The following IZUMO4 variants were observed in gnomAD, a reference collection of about 807,000 sequenced individuals.
The protein encoded by IZUMO4 is IZUMO family member 4.
IZUMO4 carries 51 observed loss-of-function variants against 37.1 expected under a neutral mutation model. The observed-to-expected ratio is 1.38, with a 90% CI of 1.10 to 1.74. The LOEUF is 1.74. Among genes scored for constraint, IZUMO4 ranks in the 40% most tolerant of loss-of-function variants. IZUMO4 has a pLI of 0.00. For synonymous variants in IZUMO4, 162 were observed against 121.4 expected (o/e 1.33, Z -2.20); for missense variants, 364 against 299.6 (o/e 1.21, Z -1.59).
Position 2,097,957 on chromosome 19 carries a change from T to C in IZUMO4, c.397+2T>C, listed in dbSNP as rs986766599. On this transcript the variant is annotated splice_donor_variant, in intron 4 of 9. Transcript: ENST00000395301. LOFTEE classifies it high-confidence loss of function. The stretch of plus-strand genomic sequence containing the variant: ...GCATCGACTGTCAGCACCGCTGTGG[T>C]AAGCAAGGCTCCGTCCAGGCTGAGG... The C allele has an allele frequency of 6.2e-7, 1 of 1,613,184 alleles. No homozygotes were observed. Among genetic ancestry groups the C allele is most frequent in the Non-Finnish European group, 8.5e-7 (1 of 1,179,964 alleles).
At chr19:2,099,153 T>C (rs1021875934) in intron 9 of IZUMO4, 102 bp from the exon 10 acceptor site, 79 of 1,379,894 alleles carry the variant, frequency 5.7e-5, no homozygotes, top group African/African-American at 1.4e-4. Context: ...TGGCCACACA[T>C]AGGACCACAC....
rs971477471 is a variant in IZUMO4 at position 2,097,305 on chromosome 19, C to T, written c.271C>T (p.Leu91=). 6.2e-7 allele frequency: 1 copy of T among 1,612,846 alleles called. No individual in the cohort carries two copies. The highest frequency in any genetic ancestry group is 1.3e-5 in the African/African-American group (1 of 75,048). The part of the protein sequence containing the change: ...ATAVYQMMDQ[L]YQGKMYFPGY... ...AGCAGTGTACCAGATGATGGATCAG[C>T]TGTACCAGGGGAAGATGTACTTCCC... Residue 91 remains leucine, a synonymous_variant, in exon 2 of 10, where the codon CTG becomes TTG. Transcript: ENST00000395301.
Position 2,099,451 on chromosome 19 carries a change from C to A in IZUMO4, c.*106C>A, listed in dbSNP as rs1458381006. The A allele has an allele frequency of 2.0e-5, 15 of 749,410 alleles. No individual in the cohort carries two copies. The highest frequency in any genetic ancestry group is 3.2e-5 in the Non-Finnish European group (14 of 440,072). 46.4% of individuals were successfully genotyped at this position (749,410 alleles called of 1,614,324 possible). On this transcript the variant is annotated 3_prime_UTR_variant, in exon 10 of 10. Coordinates refer to ENST00000395301, the MANE Select transcript of IZUMO4 (RefSeq NM_001039846.2). ...TGCTGCTGCCTCAGGACCCCCTCTC[C>A]GACCCCGGACAGAGCTGAGCTGGCC...
rs781489759 is a variant in IZUMO4, at chr19:2,097,341, C to A, written c.298+9C>A. ...GAAGATGTACTTCCCCGGTAAGGGGCGCGAAACCGAGGCGGGGCCCCCCCA... is the reference window on the plus strand; with the variant it reads ...GAAGATGTACTTCCCCGGTAAGGGGAGCGAAACCGAGGCGGGGCCCCCCCA... On this transcript the variant is annotated intron_variant, in intron 2 of 9. Transcript: ENST00000395301. 14 of 1,612,134 alleles carry A rather than the reference C, an allele frequency of 8.7e-6. No individual in the cohort carries two copies. Among genetic ancestry groups the A allele is most frequent in the Non-Finnish European group, 1.2e-5 (14 of 1,179,504 alleles).
Position 2,097,813 on chromosome 19 carries a change from G to C in IZUMO4, c.371-116G>C, listed in dbSNP as rs892113958. ...ATGGACACACATACATGAAAACCAG[G>C]TGAGCCTGGGCCCCAGTGCCGAGGG... On this transcript the variant is annotated intron_variant, in intron 3 of 9. Coordinates refer to ENST00000395301, the MANE Select transcript of IZUMO4 (RefSeq NM_001039846.2). 23 of 1,322,108 alleles carry C rather than the reference G, an allele frequency of 1.7e-5. No homozygotes were observed. In the African/African-American group the frequency reaches 2.5e-4, roughly 14 times the overall value. 81.9% of individuals were successfully genotyped at this position (1,322,108 alleles called of 1,614,324 possible).
In IZUMO4 at chr19:2,098,931, G is replaced by C. The variant is rs747350806; in HGVS notation, c.555-45G>C. On this transcript the variant is annotated intron_variant, in intron 8 of 9. Coordinates refer to ENST00000395301, the MANE Select transcript of IZUMO4 (RefSeq NM_001039846.2). Reference sequence around the variant, plus strand: ...CTCCCTATACCTGGGACACCTGCTGGATGTCACCTCTGCAACCACACCCAT... The same window carrying C: ...CTCCCTATACCTGGGACACCTGCTGCATGTCACCTCTGCAACCACACCCAT... 1.9e-6 allele frequency: 3 copies of C among 1,605,968 alleles called. No individual in the cohort carries two copies. The Admixed American group carries it at 5.0e-5, about 27-fold the overall frequency.
At chr19:2,097,834 G>A (rs2017754649) in intron 3 of IZUMO4, 95 bp from the exon 4 acceptor site, 6 of 1,488,346 alleles carry the variant, frequency 4.0e-6, no homozygotes, top group South Asian at 3.5e-5. Flanking sequence ...CCCCAGTGCC[G>A]AGGGACAGGC....
At position 2,099,042 on chromosome 19, in the gene IZUMO4, G is replaced by A. The variant is rs766528076; in HGVS notation, c.608+13G>A. On this transcript the variant is annotated intron_variant, in intron 9 of 9. Transcript: ENST00000395301. ...CCACCCCGGCCTTGTGAGTGACCCA[G>A]AGAAGGGAGGCCTCGGGAGAAGGGG... 3 of 1,612,248 alleles carry A rather than the reference G, an allele frequency of 1.9e-6. No homozygotes were observed. Among genetic ancestry groups the A allele is most frequent in the Non-Finnish European group, 1.7e-6 (2 of 1,179,276 alleles).
Position 2,098,086 on chromosome 19 carries a change from C to G in IZUMO4, c.432C>G (p.Asn144Lys). 1 of 1,613,516 alleles carries G rather than the reference C, an allele frequency of 6.2e-7. No homozygotes were observed. The highest frequency in any genetic ancestry group is 8.5e-7 in the Non-Finnish European group (1 of 1,179,962). The change falls in exon 5 of 10, where the codon AAC (asparagine) becomes AAG (lysine). Residue 144 changes from asparagine to lysine, a missense_variant. Physicochemically the swap from Asn to Lys is moderately conservative, Grantham distance 94 (BLOSUM62 0). Coordinates refer to ENST00000395301, the MANE Select transcript of IZUMO4 (RefSeq NM_001039846.2). Reference sequence around the variant, plus strand: ...AGTACGAGACCATCTCCTGCAACAACTGCACAGACTCGCACGTCGCCTGCT... The same window carrying G: ...AGTACGAGACCATCTCCTGCAACAAGTGCACAGACTCGCACGTCGCCTGCT... ...IFQYETISCN[N>K]CTDSHVACFG...
At position 2,099,012 on chromosome 19, in the gene IZUMO4, C is replaced by CA. The variant is rs1488707109; in HGVS notation, c.592dup (p.Arg198LysfsTer30). 9.9e-6 allele frequency: 16 copies of CA among 1,613,018 alleles called. No individual in the cohort carries two copies. Among genetic ancestry groups the CA allele is most frequent in the Non-Finnish European group, 1.4e-5 (16 of 1,179,968 alleles). On this transcript the variant is annotated frameshift_variant, in exon 9 of 10. Coordinates refer to ENST00000395301, the MANE Select transcript of IZUMO4 (RefSeq NM_001039846.2). LOFTEE classifies it low-confidence loss of function (END_TRUNC). ...CTGCCTTCTCCTGGCCTGGGACACA[C>CA]AGAGCCACCCCGGCCTTGTGAGTGA...
At chr19:2,098,758 G>C (rs1398405416) in intron 7 of IZUMO4, 29 bp from the exon 8 acceptor site, 1 of 1,605,332 alleles carries the variant, frequency 6.2e-7, no homozygotes, top group Admixed American at 1.7e-5. Flanking sequence ...GCCCCATGGA[G>C]GGGCTGACTG....
rs1211399692 is a variant in IZUMO4 at position 2,098,991 on chromosome 19, C to T, written c.570C>T (p.Ala190=). 2.5e-6 allele frequency: 4 copies of T among 1,613,084 alleles called. No individual in the cohort carries two copies. The African/African-American group carries it at 5.3e-5, about 22-fold the overall frequency. The change falls in exon 9 of 10, where the codon GCC becomes GCT. Residue 190 remains alanine (A), a synonymous_variant. Transcript: ENST00000395301. ...TCATGAACAGACCACGCTCCTCTGC[C>T]TTCTCCTGGCCTGGGACACACAGAG... is the stretch of plus-strand genomic sequence containing the variant. The part of the protein sequence containing the change: ...QDTSMRPRSS[A]FSWPGTHRAT...
intron 7 of IZUMO4, 37 bp from the exon 8 acceptor site, chr19:2,098,750 C>T (rs373283657): frequency 3.0e-5 from 48 of 1,605,264 alleles, no homozygotes; most frequent in Non-Finnish European, 3.9e-5. Flanking sequence ...TTAGGGGTGC[C>T]CCATGGAGGG....
Position 2,099,036 on chromosome 19 carries a change from G to T in IZUMO4, c.608+7G>T. 6.2e-7 allele frequency: 1 copy of T among 1,612,736 alleles called. No individual in the cohort carries two copies. Among genetic ancestry groups the T allele is most frequent in the Non-Finnish European group, 8.5e-7 (1 of 1,179,722 alleles). ...ACAGAGCCACCCCGGCCTTGTGAGTGACCCAGAGAAGGGAGGCCTCGGGAG... is the reference window on the plus strand; with the variant it reads ...ACAGAGCCACCCCGGCCTTGTGAGTTACCCAGAGAAGGGAGGCCTCGGGAG... On this transcript the variant is annotated splice_region_variant and intron_variant, in intron 9 of 9. Coordinates refer to ENST00000395301, the MANE Select transcript of IZUMO4 (RefSeq NM_001039846.2).
chr19:2,099,182 G>C, intron 9 of IZUMO4, 73 bp from the exon 10 acceptor site: 4 of 1,456,828 alleles, frequency 2.7e-6, no homozygotes, highest in South Asian at 1.1e-5. Flanking sequence ...TGGGAGGAGA[G>C]GCCTGGGGCC....
rs2017853530 is a variant in IZUMO4, at chr19:2,099,432, T to C, written c.*87T>C. 2 of 739,136 alleles carry C rather than the reference T, an allele frequency of 2.7e-6. No individual in the cohort carries two copies. Among genetic ancestry groups the C allele is most frequent in the Non-Finnish European group, 4.1e-6 (2 of 484,328 alleles). The allele number at this position is 739,136 out of a possible 1,614,324, so 45.8% of individuals were successfully genotyped here. A position where few individuals can be genotyped will look rare whatever the true frequency, so the allele number is the denominator to read the frequency against. ...TGTCACTCTGGAGCTGGGCTGCTGC[T>C]GCCTCAGGACCCCCTCTCCGACCCC... On this transcript the variant is annotated 3_prime_UTR_variant, in exon 10 of 10. Coordinates refer to ENST00000395301, the MANE Select transcript of IZUMO4 (RefSeq NM_001039846.2).
In IZUMO4 at chr19:2,098,506, G is replaced by T. The variant is rs915609498; in HGVS notation, c.536+56G>T. 4 of 1,611,938 alleles carry T rather than the reference G, an allele frequency of 2.5e-6. No individual in the cohort carries two copies. The African/African-American group carries it at 4.0e-5, about 16-fold the overall frequency. On this transcript the variant is annotated intron_variant, in intron 7 of 9. Coordinates refer to ENST00000395301, the MANE Select transcript of IZUMO4 (RefSeq NM_001039846.2). ...GTGTGTGTATGTGAGCACCTCGTGG[G>T]TGAGTATGTGTGGGGCACAGGCTGG...
chr19:2,099,582 CTCTTTGCAGAAGAGT>C, exon 10 of IZUMO4: 1 of 555,036 alleles, frequency 1.8e-6, no homozygotes, highest in African/African-American at 1.9e-5. Flanking sequence ...CCTGATGTTT[CTCTTTGCAGAAGAGT>C]TCTTGTTGGG....
At chr19:2,099,189 G>T in intron 9 of IZUMO4, 66 bp from the exon 10 acceptor site, 1 of 1,488,824 alleles carries the variant, frequency 6.7e-7, no homozygotes, top group Non-Finnish European at 9.4e-7. Context: ...AGAGGCCTGG[G>T]GCCCCCAGGG....
Sources: allele counts gnomAD v4.1 joint callset, GRCh38; gene constraint gnomAD v4.1.1; transcripts MANE v1.5; gene names NCBI Gene and HGNC (gene_info 2026-07-23, HGNC 2026-07-21).